MICAL3: variants seen among roughly 807,000 people sequenced by gnomAD.
The protein encoded by MICAL3 is [F-actin]-monooxygenase MICAL3.
Under a neutral mutation model 207.4 loss-of-function variants are expected in MICAL3, and 62 were observed. The observed-to-expected ratio is 0.30, with a 90% confidence interval of 0.24 to 0.37. MICAL3 has a LOEUF of 0.37. Ranked by LOEUF, MICAL3 falls within the 10% of genes least tolerant of loss-of-function variation. MICAL3 has a pLI of 1.00. For synonymous variants in MICAL3, 1,077 were observed against 1,069.3 expected, an observed-to-expected ratio of 1.01 and a Z score of -0.14; for missense variants, 2,368 against 2,635.6, an observed-to-expected ratio of 0.90 and a Z score of 2.22.
At chr22:17,906,111 C>T (rs192247133) in intron 2 of MICAL3, among the ~76,000 whole-genome samples, 1 of 152,264 alleles carries the variant, frequency 6.6e-6, no homozygotes, top group African/African-American at 2.4e-5. Context: ...CTGCATCCTC[C>T]GAACCACGTG....
At chr22:17,922,513 T>C (rs185768576) in intron 1 of MICAL3, among the ~76,000 whole-genome samples, 1 of 152,206 alleles carries the variant, frequency 6.6e-6, no homozygotes, top group Admixed American at 6.5e-5. Flanking sequence ...AGGACTGTTG[T>C]TTTCTGTTCA....
rs140572475 is a variant in MICAL3 at position 17,933,733 on chromosome 22, T to C, written c.-74-26847A>G. 7.9e-5 allele frequency among the ~76,000 whole-genome samples: 12 copies of C among 151,958 alleles called. No individual in the cohort carries two copies. In the South Asian group the frequency reaches 1.2e-3, roughly 16 times the overall value. ...CAAAATTGATAGAGCACTAGCAAGA[T>C]TAATAAAGAAGAAAAGAGAGAAGAA... On this transcript the variant is annotated intron_variant, in intron 1 of 31. Transcript: ENST00000441493.
intron 27 of MICAL3, among the ~76,000 whole-genome samples, chr22:17,812,153 T>G (rs390745): frequency 0.39 from 59,876 of 152,132 alleles, 12,624 homozygotes; most frequent in African/African-American, 0.56. Flanking sequence ...CCCTGAACAG[T>G]CAGTCCCTAA....
At chr22:17,881,692 G>A (rs1929445526) in intron 16 of MICAL3, among the ~76,000 whole-genome samples, 1 of 152,200 alleles carries the variant, frequency 6.6e-6, no homozygotes, top group African/African-American at 2.4e-5. Context: ...TGCATCCAAT[G>A]AAGCGAAGCA....
intron 1 of MICAL3, among the ~76,000 whole-genome samples, chr22:17,996,140 A>C: frequency 6.7e-6 from 1 of 150,218 alleles, no homozygotes; most frequent in Non-Finnish European, 1.5e-5. Flanking sequence ...AATTTAAAAA[A>C]AAAAAAAAAA....
chr22:17,891,989 C>T (rs1483949097), intron 11 of MICAL3, among the ~76,000 whole-genome samples: 1 of 152,266 alleles, frequency 6.6e-6, no homozygotes, highest in South Asian at 2.1e-4. Flanking sequence ...TCTGAGTTCC[C>T]GGACAGTCGC....
chr22:17,819,546 T>C (rs1465663026), intron 25 of MICAL3, among the ~76,000 whole-genome samples: 2 of 152,034 alleles, frequency 1.3e-5, no homozygotes, highest in Non-Finnish European at 2.9e-5. Flanking sequence ...TCACGGTGCA[T>C]TATGATCAAA....
At chr22:18,018,463 C>A (rs1924213337) in intron 1 of MICAL3, among the ~76,000 whole-genome samples, 1 of 152,128 alleles carries the variant, frequency 6.6e-6, no homozygotes, top group Non-Finnish European at 1.5e-5. Flanking sequence ...GTGGCTCACA[C>A]CTGTAATCCC....
chr22:18,018,160 C>T (rs1924193090), intron 1 of MICAL3, among the ~76,000 whole-genome samples: 1 of 152,156 alleles, frequency 6.6e-6, no homozygotes, highest in African/African-American at 2.4e-5. Context: ...AAGCGTGAGC[C>T]ACTGCGCCCA....
intron 1 of MICAL3, among the ~76,000 whole-genome samples, chr22:17,929,841 TA>T (rs1351837880): frequency 6.6e-6 from 1 of 152,248 alleles, no homozygotes; most frequent in Non-Finnish European, 1.5e-5. Context: ...GTGCTGGGAT[TA>T]CAGGCGTGAG....
rs143535185 is a variant in MICAL3 at position 17,905,631 on chromosome 22, C to T, written c.265-792G>A. 2.8e-3 allele frequency among the ~76,000 whole-genome samples: 427 copies of T among 152,268 alleles called. 1 individual carries two copies. Among genetic ancestry groups the T allele is most frequent in the Admixed American group, 7.1e-3 (108 of 15,284 alleles). On this transcript the variant is annotated intron_variant, in intron 2 of 31. Transcript: ENST00000441493. ...CTGGGGGTGGGGCTCTAGGTATCCC[C>T]TATTGCACAAATTAAAGCTCGTGAA...
chr22:17,837,909 T>C (rs1923572226), intron 20 of MICAL3, among the ~76,000 whole-genome samples: 1 of 152,208 alleles, frequency 6.6e-6, no homozygotes, highest in Non-Finnish European at 1.5e-5. Flanking sequence ...AGTGAACTCC[T>C]GGGCACAAGC....
rs12158135 is a variant in MICAL3, at chr22:17,832,945, G to C, written c.2802-838C>G. On this transcript the variant is annotated intron_variant, in intron 20 of 31. Transcript: ENST00000441493. The stretch of plus-strand genomic sequence containing the variant: ...TGCAAAGCCACAGGACAGAGACGAT[G>C]GGGAAAGGGTGGAGACAAACCTCCA... 8.7e-3 allele frequency among the ~76,000 whole-genome samples: 1,318 copies of C among 152,304 alleles called. 13 individuals are homozygous for C. Among genetic ancestry groups the C allele is most frequent in the African/African-American group, 0.03 (1,239 of 41,564 alleles).
intron 1 of MICAL3, among the ~76,000 whole-genome samples, chr22:17,992,060 G>A (rs1921743134): frequency 6.6e-6 from 1 of 152,164 alleles, no homozygotes; most frequent in Admixed American, 6.5e-5. Flanking sequence ...CCTAGGAAAG[G>A]GCACAGACTG....
intron 29 of MICAL3, among the ~76,000 whole-genome samples, chr22:17,795,423 A>G (rs2061865181): frequency 1.3e-5 from 2 of 152,358 alleles, no homozygotes; most frequent in South Asian, 4.1e-4. Flanking sequence ...CATGTGATAC[A>G]CAACCAAACA....
At chr22:17,825,901 T>C (rs551417986) in intron 22 of MICAL3, among the ~76,000 whole-genome samples, 2 of 152,302 alleles carry the variant, frequency 1.3e-5, no homozygotes, top group East Asian at 3.9e-4. Context: ...CGATCTCTTG[T>C]ACTTGAAGAG....
At position 17,809,498 on chromosome 22, in the gene MICAL3, G is replaced by A. The variant is rs537037959; in HGVS notation, c.5557-561C>T. Among the ~76,000 whole-genome samples the A allele has an allele frequency of 2.6e-5, 4 of 152,346 alleles. No individual in the cohort carries two copies. The South Asian group carries it at 8.3e-4, about 32-fold the overall frequency. On this transcript the variant is annotated intron_variant, in intron 28 of 31. Coordinates refer to ENST00000441493, the MANE Select transcript of MICAL3 (RefSeq NM_015241.3). ...AAAATACAAAAATTAGCTGGATGTGGTGGCACAGGCCTGTAATCCCAGCTA... is the reference window on the plus strand; with the variant it reads ...AAAATACAAAAATTAGCTGGATGTGATGGCACAGGCCTGTAATCCCAGCTA...
chr22:17,872,988 C>CA, intron 16 of MICAL3: 1 of 658,490 alleles, frequency 1.5e-6, no homozygotes, highest in South Asian at 1.8e-5. Context: ...AGCAGCAAAC[C>CA]ATGCCAACAC....
At chr22:17,916,309 C>G (rs1015887985) in intron 1 of MICAL3, among the ~76,000 whole-genome samples, 4 of 152,100 alleles carry the variant, frequency 2.6e-5, no homozygotes, top group Non-Finnish European at 4.4e-5. Context: ...CGTTCTTACT[C>G]AAGCATGCTG....
Sources: gnomAD v4.1 joint callset for allele counts (sites outside exome capture counted in the v4.1 genomes callset) on GRCh38, gnomAD v4.1.1 for gene constraint, MANE v1.5 for transcripts, NCBI Gene and HGNC (gene_info 2026-07-23, HGNC 2026-07-21) for gene names.